Variants in TENM3 observed in about 807,000 individuals in gnomAD.
TENM3 encodes the protein teneurin transmembrane protein 3.
In TENM3, 63 loss-of-function variants were observed where a neutral mutation model predicts 255.1. The ratio of observed to expected loss-of-function variants is 0.25; its 90% CI spans 0.20 to 0.30. The LOEUF (loss-of-function observed/expected upper bound fraction) is 0.30. TENM3 is among the 10% of genes least tolerant of loss of function. TENM3 has a pLI of 1.00. For missense variants in TENM3, 2,929 were observed against 3,461.1 expected (o/e 0.85, Z 3.86); for synonymous variants, 1,306 against 1,322.3 (o/e 0.99, Z 0.27).
the TENM3 span, among the ~76,000 whole-genome samples, chr4:181,472,024 C>A: frequency 3.9e-5 from 6 of 151,956 alleles, no homozygotes; most frequent in Admixed American, 3.3e-4. Context: ...GGGCAGGACA[C>A]TTGTCACATG....
chr4:182,494,954 T>C (rs186781887), intron 3 of TENM3, among the ~76,000 whole-genome samples: 7 of 152,348 alleles, frequency 4.6e-5, no homozygotes, highest in Middle Eastern at 3.4e-3. Context: ...TCTAGTGCAG[T>C]AGCACCAAGT....
chr4:182,729,082 C>T lies in TENM3; in HGVS notation c.2486C>T (p.Pro829Leu). ...ATCATTAGCCAAAGCCTTCAATCGC[C>T]TTCTCAGCAAGCTGCCAAATCCTTT... ...QDIISQSLQS[P>L]SQQAAKSFYD... is the part of the protein sequence containing the mutation. Residue 829 changes from proline to leucine, a missense_variant, in exon 14 of 28, where the codon CCT (proline) becomes CTT (leucine). Physicochemically the swap from Pro to Leu is moderately conservative, Grantham distance 98 (BLOSUM62 -3). Transcript: ENST00000511685. 2 of 1,614,026 alleles carry T rather than the reference C, an allele frequency of 1.2e-6. No individual in the cohort carries two copies. Among genetic ancestry groups the T allele is most frequent in the African/African-American group, 2.7e-5 (2 of 75,054 alleles).
intron 1 of TENM3, among the ~76,000 whole-genome samples, chr4:182,290,776 T>G (rs1043928248): frequency 1.3e-4 from 19 of 150,230 alleles, no homozygotes; most frequent in African/African-American, 4.7e-4. Flanking sequence ...GTGCTGGGAT[T>G]ACAGGGGTGA....
rs548783934 is a variant in TENM3 at position 182,600,897 on chromosome 4, C to CTTTT, written c.512-7_512-4dup. 1,628 of 495,502 alleles carry CTTTT rather than the reference C, an allele frequency of 3.3e-3. 4 individuals carry two copies. Among genetic ancestry groups the CTTTT allele is most frequent in the African/African-American group, 0.012 (356 of 30,140 alleles). The allele number at this position is 495,502 out of a possible 1,614,324, so 30.7% of individuals were successfully genotyped here. A position where few individuals can be genotyped will look rare whatever the true frequency, so the allele number is the denominator to read the frequency against. ...TATATATATATAATGAGTTCTCTTTCTTTTTTTTTTTTTTTTTTTTTTTCA... is the reference window on the plus strand; with the variant it reads ...TATATATATATAATGAGTTCTCTTTCTTTTTTTTTTTTTTTTTTTTTTTTTTTCA... On this transcript the variant is annotated intron_variant, in intron 3 of 27. Coordinates refer to ENST00000511685, the MANE Select transcript of TENM3 (RefSeq NM_001080477.4).
At chr4:181,824,892 T>A in the TENM3 span, among the ~76,000 whole-genome samples, 1 of 152,160 alleles carries the variant, frequency 6.6e-6, no homozygotes, top group Non-Finnish European at 1.5e-5. Flanking sequence ...CAGGTTACAA[T>A]GCGTTAAGAC....
At chr4:182,678,026 A>T (rs1755798669) in intron 7 of TENM3, among the ~76,000 whole-genome samples, 1 of 152,060 alleles carries the variant, frequency 6.6e-6, no homozygotes, top group Non-Finnish European at 1.5e-5. Flanking sequence ...TTATATATGC[A>T]GTAGTATAAT....
At chr4:182,284,726 C>T (rs1261031189) in intron 1 of TENM3, among the ~76,000 whole-genome samples, 1 of 152,160 alleles carries the variant, frequency 6.6e-6, no homozygotes, top group African/African-American at 2.4e-5. Context: ...ACCTTGTACT[C>T]TCAACATTGT....
intron 3 of TENM3, among the ~76,000 whole-genome samples, chr4:182,575,684 T>G (rs939259026): frequency 6.6e-6 from 1 of 152,250 alleles, no homozygotes; most frequent in South Asian, 2.1e-4. Flanking sequence ...CATTTTTGTT[T>G]ATTTTAAATA....
the TENM3 span, among the ~76,000 whole-genome samples, chr4:181,680,626 A>C: frequency 6.6e-6 from 1 of 152,124 alleles, no homozygotes. Flanking sequence ...GAATTATAAA[A>C]ATAGAAAAAG....
chr4:182,128,108 T>A, the TENM3 span, among the ~76,000 whole-genome samples: 1 of 152,120 alleles, frequency 6.6e-6, no homozygotes, highest in Non-Finnish European at 1.5e-5. Flanking sequence ...ATTAATGATG[T>A]TTCACTTTTT....
At chr4:181,578,234 C>CTTCG in the TENM3 span, among the ~76,000 whole-genome samples, 1 of 151,394 alleles carries the variant, frequency 6.6e-6, no homozygotes, top group Non-Finnish European at 1.5e-5. Context: ...CTTTCCTTTT[C>CTTCG]TTTGTTTGTT....
At chr4:182,339,603 G>C (rs537221300) in intron 2 of TENM3, among the ~76,000 whole-genome samples, 2 of 152,182 alleles carry the variant, frequency 1.3e-5, no homozygotes, top group African/African-American at 2.4e-5. Flanking sequence ...CCCCTGCCTC[G>C]GCCTTCATTG....
the TENM3 span, among the ~76,000 whole-genome samples, chr4:181,797,053 T>C: frequency 6.6e-6 from 1 of 152,124 alleles, no homozygotes. Flanking sequence ...CCAGGGCCCA[T>C]GTGGTGCCCA....
the TENM3 span, among the ~76,000 whole-genome samples, chr4:181,503,907 T>A: frequency 2.0e-5 from 3 of 152,218 alleles, no homozygotes; most frequent in Non-Finnish European, 4.4e-5. Context: ...AAACCACCCC[T>A]TCCATGGCTG....
At chr4:181,474,752 AAC>A in the TENM3 span, among the ~76,000 whole-genome samples, 8 of 151,588 alleles carry the variant, frequency 5.3e-5, no homozygotes, top group Admixed American at 2.0e-4. Context: ...AAAAAAAAAA[AAC>A]AAAGAAAGTT....
chr4:182,013,212 G>A, the TENM3 span, among the ~76,000 whole-genome samples: 1 of 152,156 alleles, frequency 6.6e-6, no homozygotes. Context: ...TGCTGCCACT[G>A]AAATGAAGTT....
At chr4:182,150,641 A>G (rs1357205902) in intron 1 of TENM3, among the ~76,000 whole-genome samples, 5 of 151,914 alleles carry the variant, frequency 3.3e-5, no homozygotes, top group Admixed American at 3.3e-4. Context: ...AACCCACACG[A>G]CTCTGATTAT....
intron 1 of TENM3, among the ~76,000 whole-genome samples, chr4:182,151,284 T>C (rs2149580763): frequency 6.6e-6 from 1 of 152,260 alleles, no homozygotes; most frequent in East Asian, 1.9e-4. Context: ...TTAAATACCT[T>C]GCATGAAGCA....
At chr4:181,722,391 G>C in the TENM3 span, among the ~76,000 whole-genome samples, 5 of 152,208 alleles carry the variant, frequency 3.3e-5, no homozygotes, top group East Asian at 9.6e-4. Flanking sequence ...ATCCTGTGGA[G>C]TATATGGATA....
Sources: gnomAD v4.1 joint callset for allele counts (sites outside exome capture counted in the v4.1 genomes callset) on GRCh38, gnomAD v4.1.1 for gene constraint, MANE v1.5 for transcripts, NCBI Gene and HGNC (gene_info 2026-07-23, HGNC 2026-07-21) for gene names.